Variants in PSMD10 observed in about 807,000 individuals in gnomAD.
PSMD10 encodes proteasome 26S subunit, non-ATPase 10, also known as 26S proteasome non-ATPase regulatory subunit 10.
In PSMD10, 2 loss-of-function variants were observed where a neutral mutation model predicts 13.2. The observed-to-expected ratio is 0.15, with a 90% CI of 0.06 to 0.48. The LOEUF (loss-of-function observed/expected upper bound fraction) is 0.48. Ranked by LOEUF, PSMD10 falls within the 20% of genes least tolerant of loss-of-function variation. The probability of loss-of-function intolerance (pLI) is 0.97; values close to 1 mark genes in which losing one functional copy is unlikely to be tolerated. For synonymous variants in PSMD10, 66 were observed against 64.4 expected (o/e 1.03, Z -0.12); for missense variants, 120 against 167.4 (o/e 0.72, Z 1.56).
chrX:108,089,457 A>G (rs1461892673), intron 1 of PSMD10, among the ~76,000 whole-genome samples: 3 of 112,681 alleles, frequency 2.7e-5, no homozygotes, highest in African/African-American at 6.5e-5. Context: ...GAAATTATCT[A>G]GAATTTAAAA....
At position 108,091,504 on chromosome X, in the gene PSMD10, G is replaced by C. The variant is rs1236999788; in HGVS notation, c.17C>G (p.Ser6Cys). ...GGCCAGGTTGCAGACCATTAGGTTA[G>C]ACACACACCCCTCCATTTCGCTGTC... MEGCVSNLMVCNLAYS... is the reference protein window; with the variant it reads MEGCVCNLMVCNLAYS... The change falls in exon 1 of 5, where the codon TCT becomes TGT. Residue 6 changes from serine to cysteine, a missense_variant. By Grantham distance (112) the Ser-to-Cys change is moderately radical. Coordinates refer to ENST00000217958, the MANE Select transcript of PSMD10 (RefSeq NM_002814.4). The C allele has an allele frequency of 8.3e-7, 1 of 1,211,213 alleles. No individual in the cohort carries two copies. The highest frequency in any genetic ancestry group is 1.8e-5 in the South Asian group (1 of 57,025).
At chrX:108,089,749 C>T (rs1346872592) in intron 1 of PSMD10, among the ~76,000 whole-genome samples, 1 of 111,055 alleles carries the variant, frequency 9.0e-6, no homozygotes, top group Non-Finnish European at 1.9e-5. Context: ...AGGGGAATCG[C>T]TTGAACCCGG....
At chrX:108,086,020 T>C (rs1467868408) in intron 4 of PSMD10, among the ~76,000 whole-genome samples, 3 of 111,780 alleles carry the variant, frequency 2.7e-5, no homozygotes, top group Non-Finnish European at 5.6e-5. Context: ...ATACAGGTCT[T>C]TCTAAACAGG....
rs1310779620 is a variant in PSMD10, at chrX:108,088,126, A to AC, written c.214-28dup. On this transcript the variant is annotated intron_variant, in intron 2 of 4. Coordinates refer to ENST00000217958, the MANE Select transcript of PSMD10 (RefSeq NM_002814.4). ...TATAAAAGAAGTAGGTAGTAGAAAT[A>AC]CCAGGGGAAAAAGGCACAAGGATTA... is the stretch of plus-strand genomic sequence containing the variant. The AC allele has an allele frequency of 6.0e-6, 7 of 1,173,841 alleles. No individual in the cohort carries two copies. The African/African-American group carries it at 1.3e-4, about 21-fold the overall frequency.
At chrX:108,085,863 T>C (rs1368470422) in intron 4 of PSMD10, among the ~76,000 whole-genome samples, 1 of 111,814 alleles carries the variant, frequency 8.9e-6, no homozygotes. Context: ...GTATTTAATA[T>C]TGTTAGTAAG....
At position 108,088,065 on chromosome X, in the gene PSMD10, G is replaced by A. The variant is rs1404449602; in HGVS notation, c.248C>T (p.Ala83Val). 1.1e-5 allele frequency: 13 copies of A among 1,206,698 alleles called. No homozygotes were observed. The highest frequency in any genetic ancestry group is 1.1e-6 in the Non-Finnish European group (1 of 893,311). The change falls in exon 3 of 5, where the codon GCT (alanine) becomes GTT (valine). Residue 83 changes from alanine to valine, a missense_variant. By Grantham distance (64) the Ala-to-Val change is moderately conservative. Around this residue, in one of 3 missense-constraint regions of PSMD10, gnomAD observed 68 missense variants for 124.8 expected, o/e 0.54. Transcript: ENST00000217958. ...GWSPLHIAAS[A>V]GRDEIVKALL... ...GGCTTTTACAATCTCATCCCGGCCA[G>A]CAGAAGCCGCAATATGAAGAGGAGA...
chrX:108,087,586 T>C lies in PSMD10; in HGVS notation c.527+100A>G, dbSNP rs1413306145. 9 of 1,079,177 alleles carry C rather than the reference T, an allele frequency of 8.3e-6. No individual in the cohort carries two copies. In the East Asian group the frequency reaches 1.5e-4, roughly 18 times the overall value. The allele number at this position is 1,079,177 out of a possible 1,213,427, so 88.9% of individuals were successfully genotyped here. A position where few individuals can be genotyped will look rare whatever the true frequency, so the allele number is the denominator to read the frequency against. On this transcript the variant is annotated intron_variant, in intron 4 of 4. Coordinates refer to ENST00000217958, the MANE Select transcript of PSMD10 (RefSeq NM_002814.4). Reference sequence around the variant, plus strand: ...TTAACATTTTTGCCATTAACACGTATTGCATTTATAAGCAGAATAAAAAAA... The same window carrying C: ...TTAACATTTTTGCCATTAACACGTACTGCATTTATAAGCAGAATAAAAAAA...
chrX:108,086,678 A>G (rs2031500515), intron 4 of PSMD10, among the ~76,000 whole-genome samples: 1 of 111,531 alleles, frequency 9.0e-6, no homozygotes. Context: ...TTCACTGATA[A>G]TAAAAATATA....
At chrX:108,085,845 T>C (rs1277098175) in intron 4 of PSMD10, among the ~76,000 whole-genome samples, 49 of 112,023 alleles carry the variant, frequency 4.4e-4, no homozygotes, top group African/African-American at 1.5e-3. Context: ...ATAAATTGTT[T>C]AATACAAGTA....
rs2031614504 is a variant in PSMD10 at position 108,091,414 on chromosome X, G to A, written c.107C>T (p.Thr36Ile). Residue 36 changes from threonine to isoleucine, a missense_variant, in exon 1 of 5, where the codon ACT becomes ATT. Around this residue, in one of 3 missense-constraint regions of PSMD10, gnomAD observed 32 missense variants for 26.2 expected, o/e 1.22. Coordinates refer to ENST00000217958, the MANE Select transcript of PSMD10 (RefSeq NM_002814.4). Reference protein sequence around the residue: ...ILADKSLATRTDQDSRTALHW... With the variant: ...ILADKSLATRIDQDSRTALHW... Reference sequence around the variant, plus strand: ...GACCTAGCGTTGCTTTACCTGGTCAGTTCTAGTAGCCAGGGATTTATCGGC... The same window carrying A: ...GACCTAGCGTTGCTTTACCTGGTCAATTCTAGTAGCCAGGGATTTATCGGC... The A allele has an allele frequency of 8.3e-7, 1 of 1,210,456 alleles. No individual in the cohort carries two copies. The highest frequency in any genetic ancestry group is 1.1e-6 in the Non-Finnish European group (1 of 893,795).
chrX:108,087,926 C>A (rs1569295766), intron 3 of PSMD10, 27 bp downstream of exon 3: 2 of 1,211,758 alleles, frequency 1.7e-6, no homozygotes, highest in Non-Finnish European at 2.2e-6. Context: ...TAGAACTCAA[C>A]AGAAGTAGCC....
rs940816082 is a variant in PSMD10, at chrX:108,088,204, T to C, written c.214-105A>G. The C allele has an allele frequency of 4.9e-6, 4 of 824,282 alleles. No homozygotes were observed. In the African/African-American group the frequency reaches 8.3e-5, roughly 17 times the overall value. 67.9% of individuals were successfully genotyped at this position (824,282 alleles called of 1,213,427 possible). ...GGAGCTTTACAAAGGCAAAAAAATA[T>C]TTGCCTACAAAAAAGGTTCCATTCT... On this transcript the variant is annotated intron_variant, in intron 2 of 4. Coordinates refer to ENST00000217958, the MANE Select transcript of PSMD10 (RefSeq NM_002814.4).
chrX:108,091,339 C>T (rs1569296627), intron 1 of PSMD10, 68 bp downstream of exon 1: 4 of 1,027,258 alleles, frequency 3.9e-6, no homozygotes, highest in South Asian at 3.8e-5. Flanking sequence ...CCGCTAGGGC[C>T]GGGCCCCGAA....
intron 4 of PSMD10, 95 bp downstream of exon 4, chrX:108,087,591 T>C: frequency 9.1e-7 from 1 of 1,101,441 alleles, no homozygotes; most frequent in Non-Finnish European, 1.2e-6. Flanking sequence ...ACGTATTGCA[T>C]TTATAAGCAG....
intron 1 of PSMD10, among the ~76,000 whole-genome samples, chrX:108,089,426 G>T (rs1385582480): frequency 8.9e-6 from 1 of 112,113 alleles, no homozygotes; most frequent in Non-Finnish European, 1.9e-5. Context: ...AATGGGGGAA[G>T]AAATGTTCAT....
At position 108,084,937 on chromosome X, in the gene PSMD10, C is replaced by A; in HGVS notation, c.*37G>T. 8.6e-7 allele frequency: 1 copy of A among 1,158,910 alleles called. No homozygotes were observed. The highest frequency in any genetic ancestry group is 1.2e-6 in the Non-Finnish European group (1 of 868,748). On this transcript the variant is annotated 3_prime_UTR_variant, in exon 5 of 5. Transcript: ENST00000217958. ...TTAGTTTGTAGGACACTGGGGACAA[C>A]AACACAACATACAAAGTAAGAATAA...
At chrX:108,086,881 TAAG>T (rs1363802532) in intron 4 of PSMD10, among the ~76,000 whole-genome samples, 1 of 111,418 alleles carries the variant, frequency 9.0e-6, no homozygotes, top group Non-Finnish European at 1.9e-5. Flanking sequence ...TAGGAGTCTA[TAAG>T]AAGGTAATCA....
intron 1 of PSMD10, among the ~76,000 whole-genome samples, chrX:108,089,657 A>T (rs1477522386): frequency 1.8e-5 from 2 of 109,966 alleles, no homozygotes; most frequent in African/African-American, 6.6e-5. Flanking sequence ...ACATGGTGAA[A>T]CTCCGTCTCT....
rs1372473753 is a variant in PSMD10 at position 108,084,782 on chromosome X, T to C, written c.*192A>G. ...AACAGTAGAACAATCTCAACAGTTA[T>C]TCGATGCCTGGAAAACAAGCTGTAA... On this transcript the variant is annotated 3_prime_UTR_variant, in exon 5 of 5. Transcript: ENST00000217958. The C allele has an allele frequency of 3.0e-5, 12 of 405,999 alleles. No homozygotes were observed. The Admixed American group carries it at 5.1e-4, about 17-fold the overall frequency. The allele number at this position is 405,999 out of a possible 1,213,427, so 33.5% of individuals were successfully genotyped here.
Sources: gnomAD v4.1 joint callset for allele counts (sites outside exome capture counted in the v4.1 genomes callset) on GRCh38, gnomAD v4.1.1 for gene constraint, gnomAD v4.1.1 regional missense constraint, MANE v1.5 for transcripts, NCBI Gene and HGNC (gene_info 2026-07-23, HGNC 2026-07-21) for gene names.